NRG3: variants seen among roughly 807,000 people sequenced by gnomAD.
NRG3 encodes neuregulin 3, also known as pro-neuregulin-3, membrane-bound isoform.
Under a neutral mutation model 66.9 loss-of-function variants are expected in NRG3, and 31 were observed. That is an observed-to-expected ratio of 0.46 (90% CI 0.35 to 0.63). NRG3 has a LOEUF of 0.63. Among genes scored for constraint, NRG3 ranks in the 20% least tolerant of loss-of-function variants. The pLI, the probability that NRG3 is intolerant of heterozygous loss-of-function variation, is 0.00. For missense variants in NRG3, 910 were observed against 878.9 expected (o/e 1.04, Z -0.45); for synonymous variants, 393 against 359.4 (o/e 1.09, Z -1.06).
chr10:81,876,019 G>A lies in NRG3; in HGVS notation c.679G>A (p.Ala227Thr). The A allele has an allele frequency of 6.2e-7, 1 of 1,613,926 alleles. No homozygotes were observed. The highest frequency in any genetic ancestry group is 1.1e-5 in the South Asian group (1 of 91,080). ...CCAGGCAATGCCCTCCTGGCCTACT[G>A]CGGCATACGCTACCTCCTCCTACCT... ...STQAMPSWPTAAYATSSYLHD... is the reference protein window; with the variant it reads ...STQAMPSWPTTAYATSSYLHD... Residue 227 changes from alanine (A) to threonine (T), a missense_variant, in exon 1 of 9, where the codon GCG becomes ACG. Ala to Thr is a moderately conservative substitution (Grantham distance 58, BLOSUM62 0). Coordinates refer to ENST00000372141, the MANE Select transcript of NRG3 (RefSeq NM_001010848.4).
chr10:82,032,189 T>C (rs1193165255), intron 1 of NRG3, among the ~76,000 whole-genome samples: 1 of 152,016 alleles, frequency 6.6e-6, no homozygotes, highest in African/African-American at 2.4e-5. Context: ...AGAGTCATGA[T>C]GTTACTCTTC....
At chr10:82,965,232 C>A (rs1851095576) in intron 6 of NRG3, among the ~76,000 whole-genome samples, 1 of 152,190 alleles carries the variant, frequency 6.6e-6, no homozygotes, top group South Asian at 2.1e-4. Context: ...TAACCATGTG[C>A]ACACAATAAA....
intron 1 of NRG3, among the ~76,000 whole-genome samples, chr10:81,961,457 T>C (rs1414345354): frequency 2.3e-5 from 3 of 129,594 alleles, no homozygotes; most frequent in Non-Finnish European, 3.2e-5. Flanking sequence ...TAGCATAGAA[T>C]ATTTGTTTGC....
In NRG3 at chr10:82,917,246, G is replaced by A. The variant is rs556144215; in HGVS notation, c.1055-34223G>A. Among the ~76,000 whole-genome samples the A allele has an allele frequency of 3.3e-5, 5 of 152,286 alleles. 1 individual carries two copies. The highest frequency in any genetic ancestry group is 1.2e-4 in the African/African-American group (5 of 41,556). On this transcript the variant is annotated intron_variant, in intron 4 of 8. Coordinates refer to ENST00000372141, the MANE Select transcript of NRG3 (RefSeq NM_001010848.4). ...AATTCCATAATATCATGCCAGAGTG[G>A]CTGAACAAGCTCACAGAACTATCAT...
At chr10:82,749,686 C>T (rs1369928599) in intron 3 of NRG3, among the ~76,000 whole-genome samples, 1 of 151,306 alleles carries the variant, frequency 6.6e-6, no homozygotes, top group Admixed American at 6.6e-5. Flanking sequence ...AATTTTTTTT[C>T]ATGGAAAGCA....
chr10:82,470,936 C>A (rs113435926), intron 2 of NRG3, among the ~76,000 whole-genome samples: 2,086 of 152,294 alleles, frequency 0.014, 36 homozygotes, highest in Non-Finnish European at 0.021. Flanking sequence ...GCTGTCCACA[C>A]AATTCCCTGG....
intron 2 of NRG3, among the ~76,000 whole-genome samples, chr10:82,735,970 G>GT (rs2058135472): frequency 6.6e-6 from 1 of 152,028 alleles, no homozygotes; most frequent in South Asian, 2.1e-4. Context: ...CAAGATTTGT[G>GT]TTTTTTAAAA....
At chr10:82,245,240 G>A (rs116710873) in intron 1 of NRG3, among the ~76,000 whole-genome samples, 8 of 152,042 alleles carry the variant, frequency 5.3e-5, no homozygotes, top group African/African-American at 1.4e-4. Context: ...TAGATCCCTC[G>A]CATGTGTAGT....
At chr10:82,625,342 A>G (rs1012466567) in intron 2 of NRG3, among the ~76,000 whole-genome samples, 1 of 152,212 alleles carries the variant, frequency 6.6e-6, no homozygotes, top group Non-Finnish European at 1.5e-5. Flanking sequence ...CATCTGCAAC[A>G]TAGAATAATG....
At chr10:82,302,971 G>T (rs1447268546) in intron 1 of NRG3, among the ~76,000 whole-genome samples, 1 of 152,110 alleles carries the variant, frequency 6.6e-6, no homozygotes, top group Non-Finnish European at 1.5e-5. Context: ...GAAACATGTG[G>T]CCTCCAGTAT....
chr10:82,902,330 G>A (rs978792546), intron 4 of NRG3, among the ~76,000 whole-genome samples: 3 of 152,180 alleles, frequency 2.0e-5, no homozygotes, highest in Non-Finnish European at 2.9e-5. Flanking sequence ...TTTTTCCATA[G>A]AGGGTTAGTG....
intron 2 of NRG3, among the ~76,000 whole-genome samples, chr10:82,676,609 G>A (rs2053703211): frequency 6.6e-6 from 1 of 151,788 alleles, no homozygotes; most frequent in African/African-American, 2.4e-5. Context: ...TCAGCCTCCC[G>A]AGTAGCTGGG....
intron 1 of NRG3, among the ~76,000 whole-genome samples, chr10:82,194,213 G>T (rs190564119): frequency 2.6e-5 from 4 of 152,118 alleles, no homozygotes; most frequent in African/African-American, 9.6e-5. Context: ...TATATGATAT[G>T]TGTGGGTTGA....
chr10:82,220,662 C>A (rs2075898283), intron 1 of NRG3, among the ~76,000 whole-genome samples: 1 of 152,108 alleles, frequency 6.6e-6, no homozygotes, highest in African/African-American at 2.4e-5. Flanking sequence ...ATGCTTTGTA[C>A]ATGCCATATA....
chr10:82,018,788 A>T (rs1422309800), intron 1 of NRG3, among the ~76,000 whole-genome samples: 1 of 151,874 alleles, frequency 6.6e-6, no homozygotes, highest in Admixed American at 6.6e-5. Flanking sequence ...TTGATTTTGT[A>T]TCCTGAGACT....
chr10:82,813,685 G>T (rs959238137), intron 3 of NRG3, among the ~76,000 whole-genome samples: 4 of 152,050 alleles, frequency 2.6e-5, no homozygotes, highest in East Asian at 1.9e-4. Flanking sequence ...AATTAAACGG[G>T]CTGTCTTTTG....
At chr10:81,969,469 G>C (rs956865813) in intron 1 of NRG3, among the ~76,000 whole-genome samples, 3 of 152,096 alleles carry the variant, frequency 2.0e-5, no homozygotes, top group African/African-American at 7.2e-5. Context: ...ACGAGCAGGG[G>C]GAGCAGAGAG....
At chr10:82,069,583 G>A (rs2064684659) in intron 1 of NRG3, among the ~76,000 whole-genome samples, 2 of 152,278 alleles carry the variant, frequency 1.3e-5, no homozygotes, top group East Asian at 1.9e-4. Context: ...ATGTCTGCCA[G>A]CTCCAAACCA....
At chr10:82,179,380 G>A (rs1456832801) in intron 1 of NRG3, among the ~76,000 whole-genome samples, 1 of 151,842 alleles carries the variant, frequency 6.6e-6, no homozygotes, top group Non-Finnish European at 1.5e-5. Flanking sequence ...TACAGTTTCA[G>A]GTCTTACATG....
Sources: gnomAD v4.1 joint callset for allele counts (sites outside exome capture counted in the v4.1 genomes callset) on GRCh38, gnomAD v4.1.1 for gene constraint, MANE v1.5 for transcripts, NCBI Gene and HGNC (gene_info 2026-07-23, HGNC 2026-07-21) for gene names.